The following FGGY variants were observed in gnomAD, a reference collection of about 807,000 sequenced individuals.
FGGY encodes the protein FGGY carbohydrate kinase domain containing.
Under a neutral mutation model 71.3 loss-of-function variants are expected in FGGY, and 72 were observed. The observed-to-expected ratio is 1.01, with a 90% CI of 0.84 to 1.23. The LOEUF (loss-of-function observed/expected upper bound fraction) is 1.23, where lower values mean the gene tolerates loss of function less well. Ranked by LOEUF, FGGY falls within the 50% of genes most tolerant of loss-of-function variation. The pLI is 0.00. For synonymous variants in FGGY, 251 were observed against 250.3 expected (o/e 1.00, Z -0.02); for missense variants, 668 against 682.3 (o/e 0.98, Z 0.23).
chr1:59,345,650 C>T (rs1220332048), intron 3 of FGGY, among the ~76,000 whole-genome samples: 1 of 151,880 alleles, frequency 6.6e-6, no homozygotes, highest in Non-Finnish European at 1.5e-5. Flanking sequence ...CTAGCATTCC[C>T]TGTTAGATCT....
intron 8 of FGGY, among the ~76,000 whole-genome samples, chr1:59,588,211 G>A (rs71494205): frequency 0.11 from 16,243 of 151,990 alleles, 1,034 homozygotes; most frequent in South Asian, 0.3. Flanking sequence ...AAGATGAAGC[G>A]AATGAAATGA....
chr1:59,329,589 C>T (rs2048071577), intron 2 of FGGY, among the ~76,000 whole-genome samples: 1 of 152,230 alleles, frequency 6.6e-6, no homozygotes, highest in Non-Finnish European at 1.5e-5. Flanking sequence ...CATGATGCTT[C>T]TCCTGGCTCT....
At chr1:59,398,957 T>A (rs150694909) in intron 5 of FGGY, among the ~76,000 whole-genome samples, 2 of 152,236 alleles carry the variant, frequency 1.3e-5, no homozygotes, top group African/African-American at 4.8e-5. Context: ...GGATGTATCA[T>A]TATGAAATAT....
intron 4 of FGGY, among the ~76,000 whole-genome samples, chr1:59,377,536 G>T (rs1314964013): frequency 6.6e-6 from 1 of 152,148 alleles, no homozygotes; most frequent in Non-Finnish European, 1.5e-5. Flanking sequence ...CTCCTACAGG[G>T]TACCTCCTAT....
intron 14 of FGGY, among the ~76,000 whole-genome samples, chr1:59,716,793 A>T (rs2100489676): frequency 6.6e-6 from 1 of 152,340 alleles, no homozygotes; most frequent in Middle Eastern, 3.4e-3. Context: ...GACTGAATTT[A>T]AAAAGGAGAG....
chr1:59,532,161 T>C (rs1418860590), intron 7 of FGGY, among the ~76,000 whole-genome samples: 1 of 152,080 alleles, frequency 6.6e-6, no homozygotes, highest in South Asian at 2.1e-4. Flanking sequence ...ATCTGGGAAG[T>C]AGAAAAAGAA....
At chr1:59,369,106 G>A (rs1026856463) in intron 4 of FGGY, among the ~76,000 whole-genome samples, 3 of 152,208 alleles carry the variant, frequency 2.0e-5, no homozygotes, top group Non-Finnish European at 2.9e-5. Flanking sequence ...GAAGCAGGGC[G>A]AGGCATTGCC....
chr1:59,591,610 G>A (rs12752968), intron 8 of FGGY, among the ~76,000 whole-genome samples: 18,766 of 151,990 alleles, frequency 0.12, 1,333 homozygotes, highest in South Asian at 0.3. Flanking sequence ...AATGTAACAG[G>A]ACAGAGCCCT....
At chr1:59,642,507 C>T (rs1402289448) in intron 11 of FGGY, among the ~76,000 whole-genome samples, 1 of 151,874 alleles carries the variant, frequency 6.6e-6, no homozygotes, top group Non-Finnish European at 1.5e-5. Context: ...CGCCTGTAAT[C>T]CCAGCTACTC....
chr1:59,474,886 G>A (rs2093182762), intron 6 of FGGY, among the ~76,000 whole-genome samples: 1 of 152,160 alleles, frequency 6.6e-6, no homozygotes, highest in African/African-American at 2.4e-5. Context: ...AACTTTGGGT[G>A]AGTTACTTGA....
At chr1:59,618,294 A>T (rs1434723795) in intron 9 of FGGY, among the ~76,000 whole-genome samples, 2 of 152,146 alleles carry the variant, frequency 1.3e-5, no homozygotes, top group East Asian at 3.8e-4. Context: ...TTGGTATTTC[A>T]TCTGATCTTC....
intron 1 of FGGY, among the ~76,000 whole-genome samples, chr1:59,317,232 G>A (rs1269716991): frequency 6.6e-6 from 1 of 152,204 alleles, no homozygotes; most frequent in Non-Finnish European, 1.5e-5. Flanking sequence ...TAATCAAAGG[G>A]TTTGGCTTTC....
At chr1:59,649,214 G>T (rs2097131467) in intron 11 of FGGY, among the ~76,000 whole-genome samples, 2 of 148,000 alleles carry the variant, frequency 1.4e-5, no homozygotes, top group African/African-American at 5.0e-5. Context: ...TTTGGCTTAG[G>T]ATTGACTTGG....
rs1310078844 is a variant in FGGY at position 59,300,156 on chromosome 1, G to A, written c.-15+3006G>A. ...GAATAACTGACATCCAGTAAACTAC[G>A]TATTGAGAGTGTCTAATTGGAGAAG... On this transcript the variant is annotated intron_variant, in intron 1 of 15. Coordinates refer to ENST00000303721, the MANE Select transcript of FGGY (RefSeq NM_018291.5). 3.3e-5 allele frequency among the ~76,000 whole-genome samples: 5 copies of A among 152,116 alleles called. No individual in the cohort carries two copies. In the South Asian group the frequency reaches 6.2e-4, roughly 19 times the overall value.
intron 9 of FGGY, among the ~76,000 whole-genome samples, chr1:59,610,617 C>T (rs1216979029): frequency 6.6e-6 from 1 of 152,210 alleles, no homozygotes; most frequent in African/African-American, 2.4e-5. Flanking sequence ...TCTGCATTTC[C>T]AGCTGAGATA....
chr1:59,542,888 C>G (rs1571009527), intron 7 of FGGY, among the ~76,000 whole-genome samples: 1 of 152,140 alleles, frequency 6.6e-6, no homozygotes, highest in Admixed American at 6.5e-5. Context: ...TGCCCTCCCT[C>G]ACAGGCACTC....
chr1:59,507,070 A>G (rs964507212), intron 6 of FGGY, among the ~76,000 whole-genome samples: 9 of 152,214 alleles, frequency 5.9e-5, no homozygotes, highest in African/African-American at 1.9e-4. Context: ...CCCAACCAGA[A>G]TAGGTTCAGA....
At chr1:59,747,496 C>T (rs1434889931) in intron 14 of FGGY, among the ~76,000 whole-genome samples, 3 of 152,060 alleles carry the variant, frequency 2.0e-5, no homozygotes, top group African/African-American at 4.8e-5. Context: ...TAGAATGTAC[C>T]GTGAGGAATA....
intron 5 of FGGY, among the ~76,000 whole-genome samples, chr1:59,434,958 G>T (rs903361099): frequency 6.6e-6 from 1 of 152,142 alleles, no homozygotes; most frequent in African/African-American, 2.4e-5. Flanking sequence ...TAAGTCTTCA[G>T]ACAAAAATTT....
Sources: allele counts gnomAD v4.1 joint callset (sites outside exome capture counted in the v4.1 genomes callset), GRCh38; gene constraint gnomAD v4.1.1; transcripts MANE v1.5; gene names NCBI Gene and HGNC (gene_info 2026-07-23, HGNC 2026-07-21).